Variants in KIRREL3 observed in about 807,000 individuals in gnomAD.
KIRREL3 encodes kirre like nephrin family adhesion molecule 3.
Under a neutral mutation model 89.7 loss-of-function variants are expected in KIRREL3, and 36 were observed. The observed-to-expected ratio is 0.40, with a 90% CI of 0.31 to 0.53. The LOEUF (loss-of-function observed/expected upper bound fraction) is 0.53, where lower values mean the gene tolerates loss of function less well. Ranked by LOEUF, KIRREL3 falls within the 20% of genes least tolerant of loss-of-function variation. The pLI, the probability that KIRREL3 is intolerant of heterozygous loss-of-function variation, is 0.49. For missense variants in KIRREL3, 864 were observed against 1,056.6 expected, an observed-to-expected ratio of 0.82 and a Z score of 2.53; for synonymous variants, 445 against 441.4, an observed-to-expected ratio of 1.01 and a Z score of -0.10.
upstream of KIRREL3, among the ~76,000 whole-genome samples, chr11:127,001,742 T>G (rs561137779): frequency 2.0e-5 from 3 of 152,046 alleles, no homozygotes; most frequent in African/African-American, 7.2e-5. Flanking sequence ...ATGCTTGGTA[T>G]AAGCAGGCCA....
intron 5 of KIRREL3, among the ~76,000 whole-genome samples, chr11:126,470,926 G>A (rs11220510): frequency 0.56 from 85,397 of 152,110 alleles, 25,325 homozygotes; most frequent in East Asian, 0.83. Context: ...AGGCTCTGTG[G>A]TACATTAACC....
chr11:126,533,887 A>G, intron 2 of KIRREL3, among the ~76,000 whole-genome samples: 1 of 152,048 alleles, frequency 6.6e-6, no homozygotes, highest in East Asian at 1.9e-4. Context: ...GGGGAAACCG[A>G]CCTTCTTCTC....
chr11:126,937,658 T>TA (rs1948252680), intron 1 of KIRREL3, among the ~76,000 whole-genome samples: 1 of 151,642 alleles, frequency 6.6e-6, no homozygotes, highest in Non-Finnish European at 1.5e-5. Context: ...CCCAGCACTT[T>TA]GGAGGCCAAG....
Position 126,795,670 on chromosome 11 carries a change from C to T in KIRREL3, c.55+204785G>A, listed in dbSNP as rs1330430619. Among the ~76,000 whole-genome samples, 1 of 152,156 alleles carries T rather than the reference C, an allele frequency of 6.6e-6. No individual in the cohort carries two copies. The highest frequency in any genetic ancestry group is 6.5e-5 in the Admixed American group (1 of 15,278). On this transcript the variant is annotated intron_variant, in intron 1 of 16. Coordinates refer to ENST00000525144, the MANE Select transcript of KIRREL3 (RefSeq NM_032531.4). This position sits in a 1 kb window ranked among gnomAD's most constrained non-coding sequence, Gnocchi z 4.1. ...AAGTGCCAGGATTACAGGAGTGAGC[C>T]ACTGTGCCTGGCCAGAAATATGTAG...
Position 126,752,500 on chromosome 11 carries a change from G to T in KIRREL3, c.56-189588C>A, listed in dbSNP as rs114577565. Among the ~76,000 whole-genome samples the T allele has an allele frequency of 1.3e-5, 2 of 152,054 alleles. No homozygotes were observed. Among genetic ancestry groups the T allele is most frequent in the African/African-American group, 4.8e-5 (2 of 41,382 alleles). ...TGCATAATAGCATTATTCTTACAGC[G>T]GAATAAGACCACTGAGTGTTGTTCT... On this transcript the variant is annotated intron_variant, in intron 1 of 16. Transcript: ENST00000525144. This position sits in a 1 kb window ranked among gnomAD's most constrained non-coding sequence, Gnocchi z 4.8.
chr11:126,947,041 C>T (rs1366600413), intron 1 of KIRREL3, among the ~76,000 whole-genome samples: 3 of 152,058 alleles, frequency 2.0e-5, no homozygotes, highest in Non-Finnish European at 4.4e-5. Context: ...ACTTTCATGC[C>T]TACATCAGCT....
Position 126,931,129 on chromosome 11 carries a change from C to T in KIRREL3, c.55+69326G>A, listed in dbSNP as rs570944627. Among the ~76,000 whole-genome samples, 1 of 152,328 alleles carries T rather than the reference C, an allele frequency of 6.6e-6. No individual in the cohort carries two copies. Among genetic ancestry groups the T allele is most frequent in the South Asian group, 2.1e-4 (1 of 4,828 alleles). On this transcript the variant is annotated intron_variant, in intron 1 of 16. Transcript: ENST00000525144. The surrounding 1 kb of genome is among the most constrained non-coding windows in gnomAD (Gnocchi z 5.1). ...CCTCTATGCTCATCTCAGCATGGAA[C>T]TTATGTGCACTACCTGTGTTTGTCT...
chr11:126,820,879 A>G (rs1943188972), intron 1 of KIRREL3, among the ~76,000 whole-genome samples: 2 of 152,146 alleles, frequency 1.3e-5, no homozygotes, highest in Non-Finnish European at 2.9e-5. Flanking sequence ...AGACATTGAC[A>G]GCTACCTTGA....
intron 1 of KIRREL3, among the ~76,000 whole-genome samples, chr11:126,893,031 T>G (rs1945988224): frequency 6.6e-6 from 1 of 152,136 alleles, no homozygotes; most frequent in African/African-American, 2.4e-5. Context: ...TGTCGTAATT[T>G]CCCCCGTTGT....
Position 126,782,562 on chromosome 11 carries a change from A to G in KIRREL3, c.55+217893T>C, listed in dbSNP as rs113401361. On this transcript the variant is annotated intron_variant, in intron 1 of 16. Coordinates refer to ENST00000525144, the MANE Select transcript of KIRREL3 (RefSeq NM_032531.4). This position sits in a 1 kb window ranked among gnomAD's most constrained non-coding sequence, Gnocchi z 4.1. ...AAGAAATTCGTAGGTTTACAATTCTATATGCTGTACATGTGCACTGAAACT... is the reference window on the plus strand; with the variant it reads ...AAGAAATTCGTAGGTTTACAATTCTGTATGCTGTACATGTGCACTGAAACT... 1.9e-4 allele frequency among the ~76,000 whole-genome samples: 29 copies of G among 152,322 alleles called. No homozygotes were observed. Among genetic ancestry groups the G allele is most frequent in the African/African-American group, 7.0e-4 (29 of 41,570 alleles).
chr11:126,781,125 G>A (rs959362249), intron 1 of KIRREL3, among the ~76,000 whole-genome samples: 2 of 152,100 alleles, frequency 1.3e-5, no homozygotes, highest in African/African-American at 2.4e-5. Flanking sequence ...TGGGGGTCAC[G>A]TTTTCTGGGT....
Position 126,516,158 on chromosome 11 carries a change from C to T in KIRREL3, c.433+5157G>A, listed in dbSNP as rs962728518. On this transcript the variant is annotated intron_variant, in intron 4 of 16. Transcript: ENST00000525144. This position sits in a 1 kb window ranked among gnomAD's most constrained non-coding sequence, Gnocchi z 4.9. ...TGTTTTCCTCTCTCAGTATTTGGGG[C>T]TTGACATCATTTAAAAAGATGCCCT... 2.6e-5 allele frequency among the ~76,000 whole-genome samples: 4 copies of T among 152,166 alleles called. No homozygotes were observed. The highest frequency in any genetic ancestry group is 9.7e-5 in the African/African-American group (4 of 41,448).
At chr11:126,933,289 C>T (rs1173067789) in intron 1 of KIRREL3, among the ~76,000 whole-genome samples, 1 of 151,936 alleles carries the variant, frequency 6.6e-6, no homozygotes, top group East Asian at 1.9e-4. Flanking sequence ...GTTTCTTTAT[C>T]CTTACTCCTT....
rs2061267997 is a variant in KIRREL3 at position 126,515,616 on chromosome 11, C to T, written c.433+5699G>A. ...AGGAAGGGCACTCCAGGAAGAAACA[C>T]AGTGTGAATGAGGGCCCAGAGGCTT... is the stretch of plus-strand genomic sequence containing the variant. On this transcript the variant is annotated intron_variant, in intron 4 of 16. Transcript: ENST00000525144. The surrounding 1 kb of genome is among the most constrained non-coding windows in gnomAD (Gnocchi z 4.2). 1.3e-5 allele frequency among the ~76,000 whole-genome samples: 2 copies of T among 152,150 alleles called. No homozygotes were observed. The highest frequency in any genetic ancestry group is 2.1e-4 in the South Asian group (1 of 4,828).
Position 126,773,912 on chromosome 11 carries a change from G to A in KIRREL3, c.56-211000C>T, listed in dbSNP as rs1950093745. Among the ~76,000 whole-genome samples the A allele has an allele frequency of 6.6e-6, 1 of 152,180 alleles. No individual in the cohort carries two copies. The highest frequency in any genetic ancestry group is 2.4e-5 in the African/African-American group (1 of 41,432). ...CACACCCCAGGGAGGTGAGGAGGTT[G>A]TGCACTTGTCCACTCTTAACTCTTT... On this transcript the variant is annotated intron_variant, in intron 1 of 16. Coordinates refer to ENST00000525144, the MANE Select transcript of KIRREL3 (RefSeq NM_032531.4). The surrounding 1 kb of genome is among the most constrained non-coding windows in gnomAD (Gnocchi z 4.2).
At chr11:126,947,172 G>A (rs376835376) in intron 1 of KIRREL3, among the ~76,000 whole-genome samples, 6 of 152,192 alleles carry the variant, frequency 3.9e-5, no homozygotes, top group South Asian at 4.2e-4. Flanking sequence ...CATCTCCATG[G>A]CAGTCCCCTT....
At chr11:126,779,939 G>A (rs1305776121) in intron 1 of KIRREL3, among the ~76,000 whole-genome samples, 1 of 152,168 alleles carries the variant, frequency 6.6e-6, no homozygotes, top group African/African-American at 2.4e-5. Context: ...GGGAAGGAGA[G>A]AGGGTAGGTG....
Position 126,778,542 on chromosome 11 carries a change from C to T in KIRREL3, c.56-215630G>A, listed in dbSNP as rs1950235732. ...TTATGTTTTTGCTATAACAACAATG[C>T]TGCGGTAAATACCCTTTTACTGAAA... On this transcript the variant is annotated intron_variant, in intron 1 of 16. Coordinates refer to ENST00000525144, the MANE Select transcript of KIRREL3 (RefSeq NM_032531.4). This position sits in a 1 kb window ranked among gnomAD's most constrained non-coding sequence, Gnocchi z 4.5. Among the ~76,000 whole-genome samples, 1 of 152,184 alleles carries T rather than the reference C, an allele frequency of 6.6e-6. No homozygotes were observed. The highest frequency in any genetic ancestry group is 6.5e-5 in the Admixed American group (1 of 15,280).
At position 126,906,126 on chromosome 11, in the gene KIRREL3, C is replaced by T. The variant is rs1946573197; in HGVS notation, c.55+94329G>A. Among the ~76,000 whole-genome samples the T allele has an allele frequency of 6.6e-6, 1 of 152,206 alleles. No homozygotes were observed. Among genetic ancestry groups the T allele is most frequent in the African/African-American group, 2.4e-5 (1 of 41,460 alleles). The stretch of plus-strand genomic sequence containing the variant: ...CAGGAGCACACTCCAGCCCATCCTG[C>T]CCCTCTCTGAATTCCCTCACTCAGA... On this transcript the variant is annotated intron_variant, in intron 1 of 16. Coordinates refer to ENST00000525144, the MANE Select transcript of KIRREL3 (RefSeq NM_032531.4). The surrounding 1 kb of genome is among the most constrained non-coding windows in gnomAD (Gnocchi z 4.1).
Sources: allele counts gnomAD v4.1 joint callset (sites outside exome capture counted in the v4.1 genomes callset), GRCh38; gene constraint gnomAD v4.1.1; non-coding constraint Gnocchi (gnomAD v3.1); transcripts MANE v1.5; gene names NCBI Gene and HGNC (gene_info 2026-07-23, HGNC 2026-07-21).